The following PSD3 variants were observed in gnomAD, a reference collection of about 807,000 sequenced individuals.
PSD3 encodes pleckstrin and Sec7 domain containing 3.
In PSD3, 49 loss-of-function variants were observed where a neutral mutation model predicts 105.5. That is an observed-to-expected ratio of 0.46 (90% CI 0.37 to 0.59). The LOEUF (loss-of-function observed/expected upper bound fraction) is 0.59, where lower values mean the gene tolerates loss of function less well. Ranked by LOEUF, PSD3 falls within the 20% of genes least tolerant of loss-of-function variation. PSD3 has a pLI of 0.00. For missense variants in PSD3, 1,561 were observed against 1,263.8 expected (o/e 1.24, Z -3.57); for synonymous variants, 557 against 457.8 (o/e 1.22, Z -2.77).
At chr8:18,822,268 TAAG>T (rs778399194) in intron 4 of PSD3, among the ~76,000 whole-genome samples, 144 of 152,266 alleles carry the variant, frequency 9.5e-4, no homozygotes, top group Admixed American at 2.4e-3. Context: ...AGAAATATCC[TAAG>T]AAGAAGTATG....
chr8:18,645,154 A>C (rs1807939003), intron 10 of PSD3, among the ~76,000 whole-genome samples: 1 of 152,242 alleles, frequency 6.6e-6, no homozygotes, highest in African/African-American at 2.4e-5. Flanking sequence ...GTCTCTAATT[A>C]GGTGTTACCT....
chr8:18,747,843 A>AG (rs1563220333), intron 9 of PSD3, among the ~76,000 whole-genome samples: 1 of 152,116 alleles, frequency 6.6e-6, no homozygotes, highest in Non-Finnish European at 1.5e-5. Context: ...AAGACACAGA[A>AG]GAAGACGAGT....
chr8:18,934,065 C>T (rs1821918468), intron 2 of PSD3, among the ~76,000 whole-genome samples: 1 of 152,100 alleles, frequency 6.6e-6, no homozygotes, highest in South Asian at 2.1e-4. Context: ...AATAAATATT[C>T]ACTTTTTAAG....
chr8:18,728,592 T>C (rs1238375161), intron 9 of PSD3, among the ~76,000 whole-genome samples: 1 of 152,146 alleles, frequency 6.6e-6, no homozygotes, highest in African/African-American at 2.4e-5. Flanking sequence ...TCAGTGGTTC[T>C]GGAGTACATG....
chr8:18,808,648 T>C (rs1207881236), intron 4 of PSD3: 1 of 1,415,816 alleles, frequency 7.1e-7, no homozygotes, highest in Non-Finnish European at 9.9e-7. Flanking sequence ...TGTCCCTAGA[T>C]GGCTTCATTC....
At chr8:19,002,348 G>A (rs893996707) in intron 1 of PSD3, among the ~76,000 whole-genome samples, 1 of 151,926 alleles carries the variant, frequency 6.6e-6, no homozygotes, top group Non-Finnish European at 1.5e-5. Flanking sequence ...TACTGTAAGA[G>A]CTTGACCCTG....
intron 4 of PSD3, among the ~76,000 whole-genome samples, chr8:18,837,770 C>A (rs1308753101): frequency 6.6e-6 from 1 of 152,072 alleles, no homozygotes; most frequent in Non-Finnish European, 1.5e-5. Context: ...AAGACCCCGT[C>A]CCTATATATT....
chr8:18,674,370 G>T (rs558038684), intron 9 of PSD3, among the ~76,000 whole-genome samples: 6 of 152,188 alleles, frequency 3.9e-5, no homozygotes, highest in Middle Eastern at 3.4e-3. Context: ...GTTTTTTTCT[G>T]TGGAACTTAA....
intron 1 of PSD3, among the ~76,000 whole-genome samples, chr8:19,006,578 A>C (rs1369561889): frequency 2.0e-5 from 3 of 152,036 alleles, no homozygotes; most frequent in Non-Finnish European, 4.4e-5. Context: ...ACTCTGAAGA[A>C]ATCCTGGAGC....
Position 18,934,203 on chromosome 8 carries a change from G to A in PSD3, c.130+1831C>T, listed in dbSNP as rs552511285. The stretch of plus-strand genomic sequence containing the variant: ...TGTAGTTCATACCTGGGTTTCTTCA[G>A]CTGAGCAACAGCTGTATGTATTAAG... On this transcript the variant is annotated intron_variant, in intron 2 of 15. Coordinates refer to ENST00000327040, the MANE Select transcript of PSD3 (RefSeq NM_015310.4). Among the ~76,000 whole-genome samples the A allele has an allele frequency of 1.8e-4, 28 of 152,246 alleles. 1 individual carries two copies. In the South Asian group the frequency reaches 2.7e-3, roughly 15 times the overall value.
chr8:18,900,941 T>C (rs564846370), intron 2 of PSD3, among the ~76,000 whole-genome samples: 36 of 152,344 alleles, frequency 2.4e-4, no homozygotes, highest in African/African-American at 8.2e-4. Context: ...CATTATTATA[T>C]AGTACAGTAT....
At chr8:19,038,302 TC>T (rs1828012348) in intron 1 of PSD3, among the ~76,000 whole-genome samples, 1 of 152,214 alleles carries the variant, frequency 6.6e-6, no homozygotes, top group African/African-American at 2.4e-5. Flanking sequence ...CCGTCTAATT[TC>T]TTTTCCTTAA....
intron 8 of PSD3, among the ~76,000 whole-genome samples, chr8:18,771,802 G>C (rs1039279173): frequency 7.2e-5 from 11 of 152,164 alleles, no homozygotes; most frequent in African/African-American, 7.2e-5. Flanking sequence ...TTTCACATTA[G>C]TATATTCACA....
intron 1 of PSD3, among the ~76,000 whole-genome samples, chr8:19,001,181 A>C (rs1470063710): frequency 6.6e-6 from 1 of 151,124 alleles, no homozygotes; most frequent in Non-Finnish European, 1.5e-5. Flanking sequence ...TGCAGCCTTG[A>C]CCTCCTAGGC....
At chr8:18,667,295 A>C (rs998132431) in intron 9 of PSD3, among the ~76,000 whole-genome samples, 5 of 151,974 alleles carry the variant, frequency 3.3e-5, no homozygotes, top group Admixed American at 6.6e-5. Context: ...TAGACACAAA[A>C]CTTCTCCACC....
chr8:19,079,371 T>A (rs1719866857), intron 1 of PSD3, among the ~76,000 whole-genome samples: 2 of 152,238 alleles, frequency 1.3e-5, no homozygotes, highest in African/African-American at 4.8e-5. Flanking sequence ...GCACATTTAA[T>A]CTATATATCT....
chr8:18,615,766 G>C (rs1270093160), intron 11 of PSD3, among the ~76,000 whole-genome samples: 1 of 152,224 alleles, frequency 6.6e-6, no homozygotes, highest in South Asian at 2.1e-4. Context: ...CAGACAAGTG[G>C]GCTTGTCAAG....
At chr8:18,776,707 G>A (rs1333198108) in intron 8 of PSD3, among the ~76,000 whole-genome samples, 1 of 152,138 alleles carries the variant, frequency 6.6e-6, no homozygotes, top group Non-Finnish European at 1.5e-5. Context: ...ACAGAACTGA[G>A]CAGTGAAACT....
chr8:18,842,623 C>CT (rs1374720272), intron 4 of PSD3, among the ~76,000 whole-genome samples: 2 of 151,978 alleles, frequency 1.3e-5, no homozygotes, highest in Non-Finnish European at 2.9e-5. Context: ...GTCCCAGCTA[C>CT]TCGGGAGGCT....
Sources: gnomAD v4.1 joint callset for allele counts (sites outside exome capture counted in the v4.1 genomes callset) on GRCh38, gnomAD v4.1.1 for gene constraint, MANE v1.5 for transcripts, NCBI Gene and HGNC (gene_info 2026-07-23, HGNC 2026-07-21) for gene names.